KANK1: variants seen among roughly 807,000 people sequenced by gnomAD.
KANK1 encodes KN motif and ankyrin repeat domain-containing protein 1.
A neutral mutation model predicts 106.2 loss-of-function variants in KANK1; 109 were observed. That is an observed-to-expected ratio of 1.03 (90% CI 0.88 to 1.20). The LOEUF is 1.20. Among genes scored for constraint, KANK1 ranks in the 50% most tolerant of loss-of-function variants. The pLI, the probability that KANK1 is intolerant of heterozygous loss-of-function variation, is 0.00. For synonymous variants in KANK1, 873 were observed against 652.2 expected, an observed-to-expected ratio of 1.34 and a Z score of -5.16; for missense variants, 2,399 against 1,710.7, an observed-to-expected ratio of 1.40 and a Z score of -7.10.
chr9:622,426 T>C (rs1401997662), intron 1 of KANK1, among the ~76,000 whole-genome samples: 3 of 152,114 alleles, frequency 2.0e-5, no homozygotes, highest in African/African-American at 7.2e-5. Context: ...AAATGTCAGA[T>C]GGATCTAGTA....
chr9:660,450 T>G (rs114517679), intron 1 of KANK1: 8,208 of 154,668 alleles, frequency 0.053, 234 homozygotes, highest in African/African-American at 0.066. Context: ...GTGGTCTGCT[T>G]TTAACTTGAC....
chr9:571,751 A>AGC (rs1467298606), intron 1 of KANK1, among the ~76,000 whole-genome samples: 7 of 152,228 alleles, frequency 4.6e-5, no homozygotes, highest in African/African-American at 1.2e-4. Context: ...AGACACATGG[A>AGC]GCAAGGTATG....
intron 1 of KANK1, among the ~76,000 whole-genome samples, chr9:630,628 G>C (rs942068180): frequency 3.3e-5 from 5 of 151,346 alleles, no homozygotes; most frequent in African/African-American, 1.2e-4. Context: ...AGGGCTGGGC[G>C]CGGTGGCTCA....
chr9:580,849 G>A (rs1199384052), intron 1 of KANK1, among the ~76,000 whole-genome samples: 2 of 152,210 alleles, frequency 1.3e-5, no homozygotes, highest in African/African-American at 4.8e-5. Context: ...GGCTTGGGCT[G>A]CGCTGGAGCC....
chr9:556,669 C>A (rs77543960), intron 1 of KANK1, among the ~76,000 whole-genome samples: 2,989 of 104,932 alleles, frequency 0.028, 40 homozygotes, highest in Middle Eastern at 0.05. Flanking sequence ...ACTCTCCTTA[C>A]TCAAATTGCT....
At chr9:542,467 T>C (rs2060662014) in intron 1 of KANK1, among the ~76,000 whole-genome samples, 1 of 152,242 alleles carries the variant, frequency 6.6e-6, no homozygotes, top group African/African-American at 2.4e-5. Flanking sequence ...ATGAGAATGT[T>C]AGTACAACCA....
intron 3 of KANK1, among the ~76,000 whole-genome samples, chr9:477,445 C>A (rs370406408): frequency 6.6e-6 from 1 of 152,026 alleles, no homozygotes; most frequent in Admixed American, 6.5e-5. Context: ...AGGGTCAGAA[C>A]AATGAACCTG....
intron 1 of KANK1, among the ~76,000 whole-genome samples, chr9:515,265 A>T (rs1225165862): frequency 6.6e-6 from 1 of 151,252 alleles, no homozygotes; most frequent in African/African-American, 2.5e-5. Flanking sequence ...GAATGGCGTG[A>T]ACCCAGGAGG....
In KANK1 at chr9:740,823, A is replaced by G; in HGVS notation, c.3585A>G (p.Ala1195=). ...GTAATGTGGATCACCAGAACAAGGCAGGCTACACCCCCATCATGTTGGCGG... is the reference window on the plus strand; with the variant it reads ...GTAATGTGGATCACCAGAACAAGGCGGGCTACACCCCCATCATGTTGGCGG... ...DVCNVDHQNK[A]GYTPIMLAAL... Residue 1195 remains alanine (A), a synonymous_variant, in exon 9 of 12, where the codon GCA becomes GCG. Transcript: ENST00000382297. 6.2e-7 allele frequency: 1 copy of G among 1,613,270 alleles called. No homozygotes were observed. The highest frequency in any genetic ancestry group is 8.5e-7 in the Non-Finnish European group (1 of 1,179,894).
chr9:472,325 C>T (rs2058036609), intron 2 of KANK1, among the ~76,000 whole-genome samples: 1 of 152,200 alleles, frequency 6.6e-6, no homozygotes, highest in Admixed American at 6.5e-5. Flanking sequence ...TTCCACTTTC[C>T]TAAGATGGGG....
intron 1 of KANK1, among the ~76,000 whole-genome samples, chr9:534,260 T>C (rs1216334255): frequency 4.6e-5 from 7 of 152,256 alleles, no homozygotes; most frequent in Admixed American, 3.3e-4. Flanking sequence ...TTGTGAATGT[T>C]GAACAATGGA....
intron 1 of KANK1, among the ~76,000 whole-genome samples, chr9:614,078 T>G (rs1831215528): frequency 6.6e-6 from 1 of 152,162 alleles, no homozygotes; most frequent in African/African-American, 2.4e-5. Flanking sequence ...AGCAGAGTGC[T>G]CAGTTCTTGG....
At chr9:697,085 TG>T (rs1821494164) in intron 2 of KANK1, among the ~76,000 whole-genome samples, 1 of 38,510 alleles carries the variant, frequency 2.6e-5, no homozygotes, top group Non-Finnish European at 7.2e-5. Flanking sequence ...TCTGTGTGTG[TG>T]TGTGTGTGTG....
chr9:727,726 G>C (rs1177745014), intron 3 of KANK1, among the ~76,000 whole-genome samples: 2 of 151,356 alleles, frequency 1.3e-5, no homozygotes, highest in East Asian at 4.0e-4. Flanking sequence ...GTATGTGTGT[G>C]TGTGGTAATG....
chr9:546,404 G>T (rs1361406591), intron 1 of KANK1, among the ~76,000 whole-genome samples: 2 of 151,940 alleles, frequency 1.3e-5, no homozygotes, highest in Non-Finnish European at 2.9e-5. Context: ...GAATTATCCA[G>T]CCCCAAACAC....
chr9:515,005 A>C (rs1250627716), intron 1 of KANK1, among the ~76,000 whole-genome samples: 2 of 151,812 alleles, frequency 1.3e-5, no homozygotes, highest in African/African-American at 2.4e-5. Context: ...AACACCTCAA[A>C]AAGGGTTCAT....
chr9:591,175 T>A (rs1004332344), intron 1 of KANK1, among the ~76,000 whole-genome samples: 23 of 151,928 alleles, frequency 1.5e-4, no homozygotes, highest in Non-Finnish European at 3.4e-4. Context: ...AGATTTAAAA[T>A]TTTTAAATGT....
At chr9:575,374 A>G (rs1820269880) in intron 1 of KANK1, among the ~76,000 whole-genome samples, 2 of 152,204 alleles carry the variant, frequency 1.3e-5, no homozygotes, top group Admixed American at 6.5e-5. Context: ...GTTTTATATA[A>G]TAGATTACAG....
intron 2 of KANK1, among the ~76,000 whole-genome samples, chr9:709,186 G>C (rs931196453): frequency 3.9e-5 from 6 of 152,222 alleles, no homozygotes; most frequent in Non-Finnish European, 8.8e-5. Context: ...AGTTAAGACA[G>C]GGTTTGGTTT....
Sources: allele counts gnomAD v4.1 joint callset (sites outside exome capture counted in the v4.1 genomes callset), GRCh38; gene constraint gnomAD v4.1.1; transcripts MANE v1.5; gene names NCBI Gene and HGNC (gene_info 2026-07-23, HGNC 2026-07-21).